The following TRIM5 variants were observed in gnomAD, a reference collection of about 807,000 sequenced individuals.
The protein encoded by TRIM5 is tripartite motif containing 5.
A neutral mutation model predicts 35.6 loss-of-function variants in TRIM5; 31 were observed. The ratio of observed to expected loss-of-function variants is 0.87; its 90% CI spans 0.65 to 1.18. The LOEUF (loss-of-function observed/expected upper bound fraction) is 1.18. Among genes scored for constraint, TRIM5 ranks in the 50% most tolerant of loss-of-function variants. The pLI is 0.00. For missense variants in TRIM5, 609 were observed against 591.6 expected (o/e 1.03, Z -0.31); for synonymous variants, 243 against 215.6 (o/e 1.13, Z -1.11).
chr11:5,633,966 C>T, the TRIM5 span: 4 of 1,556,068 alleles, frequency 2.6e-6, no homozygotes, highest in East Asian at 2.3e-5. Flanking sequence ...AAGGAGGCCT[C>T]GTCCTTTTTA....
At chr11:5,645,887 ATATATATATC>A in the TRIM5 span, 14 of 172,456 alleles carry the variant, frequency 8.1e-5, no homozygotes, top group Non-Finnish European at 1.4e-4. Flanking sequence ...AAAAATATAT[ATATATATATC>A]TATATATAGA....
chr11:5,628,806 A>ATT, the TRIM5 span, among the ~76,000 whole-genome samples: 81,226 of 149,344 alleles, frequency 0.54, 24,592 homozygotes, highest in Non-Finnish European at 0.7. Flanking sequence ...GGCAAAGTTG[A>ATT]TTTTTTTTTT....
the TRIM5 span, chr11:5,605,233 G>T: frequency 1.3e-6 from 2 of 1,490,220 alleles, no homozygotes. Context: ...TCCCTGGGAG[G>T]CTTGGCCCAG....
the TRIM5 span, chr11:5,634,710 G>A: frequency 6.2e-7 from 1 of 1,614,094 alleles, no homozygotes; most frequent in Non-Finnish European, 8.5e-7. Context: ...GAGGAGCAGA[G>A]AGAGCTGCAA....
At chr11:5,618,102 A>G in the TRIM5 span, among the ~76,000 whole-genome samples, 4 of 152,252 alleles carry the variant, frequency 2.6e-5, no homozygotes, top group African/African-American at 4.8e-5. Context: ...CTTTCAAGTT[A>G]CAACAGCAGT....
At chr11:5,625,112 G>C in the TRIM5 span, 1 of 152,218 alleles carries the variant, frequency 6.6e-6, no homozygotes, top group Non-Finnish European at 1.5e-5. Flanking sequence ...CAGGAGAAAA[G>C]TTCTCAGTGA....
In TRIM5 at chr11:5,665,094, G is replaced by A. The variant is rs771859252; in HGVS notation, c.1197C>T (p.Tyr399=). The A allele has an allele frequency of 2.5e-6, 4 of 1,613,970 alleles. No homozygotes were observed. The highest frequency in any genetic ancestry group is 2.2e-5 in the East Asian group (1 of 44,896). Residue 399 remains tyrosine, a synonymous_variant, in exon 8 of 8, where the codon TAC becomes TAT. Transcript: ENST00000380034. The part of the protein sequence containing the change: ...KNENYQPKYG[Y]WVIGLEEGVK... Reference sequence around the variant, plus strand: ...CTCCTTCCTCTAACCCTATAACCCAGTAGCCGTATTTAGGTTGATAATTTT... The same window carrying A: ...CTCCTTCCTCTAACCCTATAACCCAATAGCCGTATTTAGGTTGATAATTTT...
chr11:5,660,271 G>A (rs193179942), downstream of TRIM5, among the ~76,000 whole-genome samples: 10 of 152,212 alleles, frequency 6.6e-5, no homozygotes, highest in Admixed American at 5.2e-4. Context: ...CACTGCGTCC[G>A]GCTCATTCTT....
At chr11:5,617,625 A>T in the TRIM5 span, among the ~76,000 whole-genome samples, 1 of 142,032 alleles carries the variant, frequency 7.0e-6, no homozygotes, top group Non-Finnish European at 1.5e-5. Flanking sequence ...AGTAGCTGGG[A>T]TTACAGGCAT....
the TRIM5 span, among the ~76,000 whole-genome samples, chr11:5,597,121 C>T: frequency 6.6e-6 from 1 of 152,168 alleles, no homozygotes; most frequent in South Asian, 2.1e-4. Flanking sequence ...AGCATAGATG[C>T]CGCAGCCAGA....
Position 5,674,078 on chromosome 11 carries a change from C to T in TRIM5, c.744+4126G>A, listed in dbSNP as rs58112682. 5.9e-5 allele frequency among the ~76,000 whole-genome samples: 9 copies of T among 151,984 alleles called. No individual in the cohort carries two copies. The East Asian group carries it at 1.5e-3, about 26-fold the overall frequency. ...AGGTTAAAAAAAGATAAAATCAATG[C>T]AGCAAAAAGCCTTTTTAATTTCATA... On this transcript the variant is annotated intron_variant, in intron 4 of 7. Transcript: ENST00000380034.
the TRIM5 span, chr11:5,643,683 A>C: frequency 6.2e-7 from 1 of 1,608,008 alleles, no homozygotes; most frequent in Non-Finnish European, 8.5e-7. Flanking sequence ...TCCAGCTCCC[A>C]TGACTCTATG....
At chr11:5,675,610 C>G (rs1851896903) in intron 4 of TRIM5, among the ~76,000 whole-genome samples, 1 of 151,830 alleles carries the variant, frequency 6.6e-6, no homozygotes, top group South Asian at 2.1e-4. Context: ...CCATCAACTC[C>G]CAACCCCATT....
At chr11:5,657,860 A>C in the TRIM5 span, among the ~76,000 whole-genome samples, 1 of 150,830 alleles carries the variant, frequency 6.6e-6, no homozygotes, top group African/African-American at 2.4e-5. Flanking sequence ...AAGTGATCTG[A>C]GAGCCTCGGC....
the TRIM5 span, chr11:5,632,579 A>C: frequency 6.2e-7 from 1 of 1,613,722 alleles, no homozygotes; most frequent in African/African-American, 1.3e-5. Context: ...AGACTCAAGG[A>C]GGTCAAGTTG....
chr11:5,680,157 A>T lies in TRIM5; in HGVS notation c.21T>A (p.Val7=). ...GGCAGGTCACCTCCTCCTTTACATT[A>T]ACCAGGATTCCAGAAGCCATAGTAG... MASGIL[V]NVKEEVTCPI... is the part of the protein sequence containing the mutation. Residue 7 remains valine (V), a synonymous_variant, in exon 2 of 8, where the codon GTT becomes GTA. Transcript: ENST00000380034. The T allele has an allele frequency of 6.2e-7, 1 of 1,610,066 alleles. No homozygotes were observed. Among genetic ancestry groups the T allele is most frequent in the Non-Finnish European group, 8.5e-7 (1 of 1,177,708 alleles).
the TRIM5 span, chr11:5,603,481 C>A: frequency 1.1e-5 from 17 of 1,614,016 alleles, no homozygotes; most frequent in Admixed American, 2.8e-4. Context: ...AAGAAGCTGC[C>A]CTGTGTGCCA....
At chr11:5,611,021 C>A in the TRIM5 span, 1 of 1,614,192 alleles carries the variant, frequency 6.2e-7, no homozygotes. Flanking sequence ...CATTCTCTTT[C>A]AACCATTTTG....
At chr11:5,589,625 A>G in the TRIM5 span, 1 of 152,184 alleles carries the variant, frequency 6.6e-6, no homozygotes, top group Non-Finnish European at 1.5e-5. Flanking sequence ...TTAAAAAAAG[A>G]AAACATCTTT....
Sources: gnomAD v4.1 joint callset for allele counts (sites outside exome capture counted in the v4.1 genomes callset) on GRCh38, gnomAD v4.1.1 for gene constraint, MANE v1.5 for transcripts, NCBI Gene and HGNC (gene_info 2026-07-23, HGNC 2026-07-21) for gene names.